The following SIGLEC5 variants were observed in gnomAD, a reference collection of about 807,000 sequenced individuals.
SIGLEC5 encodes sialic acid-binding Ig-like lectin 5.
A neutral mutation model predicts 45.9 loss-of-function variants in SIGLEC5; 34 were observed. The observed-to-expected ratio is 0.74, with a 90% CI of 0.56 to 0.99. The LOEUF (loss-of-function observed/expected upper bound fraction) is 0.99, where lower values mean the gene tolerates loss of function less well. Among genes scored for constraint, SIGLEC5 ranks in the 50% least tolerant of loss-of-function variants. The pLI is 0.00. For missense variants in SIGLEC5, 508 were observed against 629.6 expected (o/e 0.81, Z 2.07); for synonymous variants, 203 against 258.6 (o/e 0.79, Z 2.06).
At chr19:51,622,658 G>A (rs1983335592) in intron 8 of SIGLEC5, among the ~76,000 whole-genome samples, 1 of 152,132 alleles carries the variant, frequency 6.6e-6, no homozygotes, top group East Asian at 1.9e-4. Flanking sequence ...TTAATACATG[G>A]CAGAATTGGC....
At chr19:51,617,928 G>A (rs910910791) in intron 8 of SIGLEC5, among the ~76,000 whole-genome samples, 1 of 151,670 alleles carries the variant, frequency 6.6e-6, no homozygotes, top group Non-Finnish European at 1.5e-5. Flanking sequence ...AGATATAAAA[G>A]CGCACCAAAA....
chr19:51,610,990 A>G lies in SIGLEC5; in HGVS notation c.*1241T>C, dbSNP rs1015592889. On this transcript the variant is annotated 3_prime_UTR_variant, in exon 9 of 9. Transcript: ENST00000683636. ...TCCCCAAAAGATTTTATTATTTTCA[A>G]CACAAGGCTTGATCAAAATTATCTA... Among the ~76,000 whole-genome samples, 3 of 152,216 alleles carry G rather than the reference A, an allele frequency of 2.0e-5. No individual in the cohort carries two copies. Among genetic ancestry groups the G allele is most frequent in the African/African-American group, 7.2e-5 (3 of 41,460 alleles).
rs765863946 is a variant in SIGLEC5, at chr19:51,627,628, C to T, written c.1116G>A (p.Leu372=). Residue 372 remains leucine (L), a synonymous_variant, in exon 6 of 9, where the codon CTG becomes CTA. Coordinates refer to ENST00000683636, the MANE Select transcript of SIGLEC5 (RefSeq NM_003830.4). ...ATGAGCCCTGGCTGCTGTTCCCCTC[C>T]AGCGGCTTCTCCTCAAGCCGCCAGC... The part of the protein sequence containing the change: ...SLCWRLEEKP[L]EGNSSQGSFK... 2 of 1,612,624 alleles carry T rather than the reference C, an allele frequency of 1.2e-6. No homozygotes were observed. Among genetic ancestry groups the T allele is most frequent in the African/African-American group, 1.3e-5 (1 of 74,904 alleles).
At chr19:51,617,254 T>G (rs773231427) in intron 8 of SIGLEC5, among the ~76,000 whole-genome samples, 63 of 130,400 alleles carry the variant, frequency 4.8e-4, no homozygotes, top group Non-Finnish European at 9.0e-4. Context: ...GACTCCACCT[T>G]AAAAAAAAAA....
chr19:51,628,315 C>T (rs1352870541), intron 4 of SIGLEC5, among the ~76,000 whole-genome samples: 1 of 152,186 alleles, frequency 6.6e-6, no homozygotes, highest in Non-Finnish European at 1.5e-5. Flanking sequence ...CTCACTGGTA[C>T]ATGCCTGGAC....
chr19:51,624,607 C>A (rs759409596), intron 8 of SIGLEC5, among the ~76,000 whole-genome samples: 48 of 152,106 alleles, frequency 3.2e-4, no homozygotes, highest in Non-Finnish European at 6.3e-4. Flanking sequence ...AGGAGACACG[C>A]TGGACAGAAA....
Position 51,627,924 on chromosome 19 carries a change from GA to G in SIGLEC5, c.906del (p.Arg303GlufsTer2), listed in dbSNP as rs1351470496. 1 of 1,614,104 alleles carries G rather than the reference GA, an allele frequency of 6.2e-7. No homozygotes were observed. The highest frequency in any genetic ancestry group is 8.5e-7 in the Non-Finnish European group (1 of 1,180,000). On this transcript the variant is annotated frameshift_variant, in exon 5 of 9. Coordinates refer to ENST00000683636, the MANE Select transcript of SIGLEC5 (RefSeq NM_003830.4). LOFTEE classifies it high-confidence loss of function. ...PISNTGILEL[R>X]RVRSAEEGGF... Reference sequence around the variant, plus strand: ...CCTCCTTCTTCTGCAGACCTTACTCGACGAAGCTCCAAGATCCCGGTATTGG... The same window carrying G: ...CCTCCTTCTTCTGCAGACCTTACTCGCGAAGCTCCAAGATCCCGGTATTGG...
chr19:51,618,971 C>G (rs779667867), intron 8 of SIGLEC5, among the ~76,000 whole-genome samples: 4 of 152,086 alleles, frequency 2.6e-5, no homozygotes, highest in African/African-American at 7.3e-5. Context: ...TTGACAAATA[C>G]ATTATCATAA....
intron 8 of SIGLEC5, among the ~76,000 whole-genome samples, chr19:51,612,683 C>T (rs911948491): frequency 6.6e-6 from 1 of 152,304 alleles, no homozygotes; most frequent in Non-Finnish European, 1.5e-5. Flanking sequence ...CAGCTACAAC[C>T]TACTTGACTT....
At position 51,627,615 on chromosome 19, in the gene SIGLEC5, T is replaced by C. The variant is rs1015864179; in HGVS notation, c.1129A>G (p.Ser377Gly). Residue 377 changes from serine (S) to glycine (G), a missense_variant, in exon 6 of 9, where the codon AGC becomes GGC. This residue lies in a region of SIGLEC5 where 431 missense variants were observed against 428.8 expected (regional missense o/e 1.01). Transcript: ENST00000683636. ...LEEKPLEGNSSQGSFKVNSSS... is the reference protein window; with the variant it reads ...LEEKPLEGNSGQGSFKVNSSS... ...GAGTTGACCTTGAATGAGCCCTGGC[T>C]GCTGTTCCCCTCCAGCGGCTTCTCC... The C allele has an allele frequency of 3.1e-6, 5 of 1,613,552 alleles. No homozygotes were observed. Among genetic ancestry groups the C allele is most frequent in the Non-Finnish European group, 4.2e-6 (5 of 1,179,936 alleles).
intron 8 of SIGLEC5, among the ~76,000 whole-genome samples, chr19:51,615,837 C>A (rs1000970788): frequency 6.6e-6 from 1 of 152,188 alleles, no homozygotes; most frequent in Non-Finnish European, 1.5e-5. Context: ...AGTGCAATGG[C>A]ATGATCTCGG....
In SIGLEC5 at chr19:51,612,392, G is replaced by C. The variant is rs3829655; in HGVS notation, c.1495C>G (p.Pro499Ala). The C allele has an allele frequency of 0.44, 703,370 of 1,610,880 alleles. 155,202 individuals are homozygous for C. The highest frequency in any genetic ancestry group is 0.52 in the East Asian group (23,430 of 44,748). ...CCAGGAGGAGATGCTTGATCTCCGGGGCTGTCTGGCCAGGGCTTCTTCCTG... is the reference window on the plus strand; with the variant it reads ...CCAGGAGGAGATGCTTGATCTCCGGCGCTGTCTGGCCAGGGCTTCTTCCTG... Reference protein sequence around the residue: ...GSRKKPWPDSPGDQASPPGDA... With the variant: ...GSRKKPWPDSAGDQASPPGDA... Residue 499 changes from proline (P) to alanine (A), a missense_variant, in exon 9 of 9, where the codon CCC becomes GCC. By Grantham distance (27) the Pro-to-Ala change is conservative (BLOSUM62 -1). This residue lies in a region of SIGLEC5 where 431 missense variants were observed against 428.8 expected (regional missense o/e 1.01). Coordinates refer to ENST00000683636, the MANE Select transcript of SIGLEC5 (RefSeq NM_003830.4).
intron 8 of SIGLEC5, among the ~76,000 whole-genome samples, chr19:51,619,949 AAAG>A (rs1185696565): frequency 2.0e-5 from 3 of 152,058 alleles, no homozygotes; most frequent in Non-Finnish European, 4.4e-5. Flanking sequence ...AGAAAAAAAG[AAAG>A]AAGTCACAAA....
In SIGLEC5 at chr19:51,626,086, A is replaced by C; in HGVS notation, c.1410T>G (p.Ala470=). The C allele has an allele frequency of 1.2e-6, 2 of 1,613,958 alleles. No individual in the cohort carries two copies. The highest frequency in any genetic ancestry group is 1.7e-6 in the Non-Finnish European group (2 of 1,180,032). The stretch of plus-strand genomic sequence containing the variant: ...CATCATCCATTTTCTCTGGTCTCCC[A>C]GCTGCTTGCTTCCTGCGGGCTTTCA... ...LIVKARRKQA[A]GRPEKMDDED... Residue 470 remains alanine, a synonymous_variant, in exon 8 of 9, where the codon GCT becomes GCG. Coordinates refer to ENST00000683636, the MANE Select transcript of SIGLEC5 (RefSeq NM_003830.4).
At chr19:51,628,614 T>C (rs554618698) in intron 4 of SIGLEC5, among the ~76,000 whole-genome samples, 2 of 149,262 alleles carry the variant, frequency 1.3e-5, no homozygotes, top group South Asian at 2.1e-4. Flanking sequence ...TGTACGTACA[T>C]GTGTGCGTGT....
Position 51,612,249 on chromosome 19 carries a change from C to T in SIGLEC5, c.1638G>A (p.Glu546=), listed in dbSNP as rs1345105525. 6.2e-7 allele frequency: 1 copy of T among 1,603,254 alleles called. No homozygotes were observed. The highest frequency in any genetic ancestry group is 1.7e-5 in the Admixed American group (1 of 59,024). The part of the protein sequence containing the change: ...QEAPSTTEYS[E]IKTSK ...CAAATCCTCACTTGCTTGTCTTGAT[C>T]TCCGAGTACTCCGTGGTGCTTGGGG... Residue 546 remains glutamate (E), a synonymous_variant, in exon 9 of 9, where the codon GAG becomes GAA. Coordinates refer to ENST00000683636, the MANE Select transcript of SIGLEC5 (RefSeq NM_003830.4).
At chr19:51,619,481 T>G (rs1983200706) in intron 8 of SIGLEC5, among the ~76,000 whole-genome samples, 1 of 152,194 alleles carries the variant, frequency 6.6e-6, no homozygotes, top group Admixed American at 6.5e-5. Flanking sequence ...GTAGATATCA[T>G]AAAACCATGT....
Position 51,612,197 on chromosome 19 carries a change from C to T in SIGLEC5, c.*34G>A, listed in dbSNP as rs776625158. 9.8e-6 allele frequency: 15 copies of T among 1,523,648 alleles called. No homozygotes were observed. The highest frequency in any genetic ancestry group is 1.3e-5 in the Non-Finnish European group (15 of 1,129,022). 94.4% of individuals were successfully genotyped at this position (1,523,648 alleles called of 1,614,324 possible). A position where few individuals can be genotyped will look rare whatever the true frequency, so the allele number is the denominator to read the frequency against. On this transcript the variant is annotated 3_prime_UTR_variant, in exon 9 of 9. Transcript: ENST00000683636. ...GTCCTTTCCCCCAGACAGGCTGTGG[C>T]TCCTCCAGCCAGGACTGAACTCTGG... is the stretch of plus-strand genomic sequence containing the variant.
chr19:51,626,105 G>A lies in SIGLEC5; in HGVS notation c.1391C>T (p.Ala464Val), dbSNP rs559167909. The change falls in exon 8 of 9, where the codon GCC becomes GTC. Residue 464 changes from alanine to valine, a missense_variant. Around this residue, in one of 2 missense-constraint regions of SIGLEC5, gnomAD observed 431 missense variants for 428.8 expected, o/e 1.01. Transcript: ENST00000683636. ...TCTCCCAGCTGCTTGCTTCCTGCGG[G>A]CTTTCACTCTAAGGAAAGAAACCAG... ...LCLIFFLIVK[A>V]RRKQAAGRPE... 1.2e-6 allele frequency: 2 copies of A among 1,613,494 alleles called. No homozygotes were observed. The highest frequency in any genetic ancestry group is 8.5e-7 in the Non-Finnish European group (1 of 1,179,994).
Sources: gnomAD v4.1 joint callset for allele counts (sites outside exome capture counted in the v4.1 genomes callset) on GRCh38, gnomAD v4.1.1 for gene constraint, gnomAD v4.1.1 regional missense constraint, MANE v1.5 for transcripts, NCBI Gene and HGNC (gene_info 2026-07-23, HGNC 2026-07-21) for gene names.